Variants in GRIK2 observed in about 807,000 individuals in gnomAD.
The protein encoded by GRIK2 is glutamate receptor ionotropic, kainate 2.
In GRIK2, 32 loss-of-function variants were observed where a neutral mutation model predicts 100.3. The ratio of observed to expected loss-of-function variants is 0.32; its 90% confidence interval spans 0.24 to 0.43. The LOEUF is 0.43. Ranked by LOEUF, GRIK2 falls within the 20% of genes least tolerant of loss-of-function variation. GRIK2 has a pLI of 1.00. For synonymous variants in GRIK2, 417 were observed against 389.4 expected, an observed-to-expected ratio of 1.07 and a Z score of -0.83; for missense variants, 843 against 1,114.9, an observed-to-expected ratio of 0.76 and a Z score of 3.47.
chr6:101,537,487 T>C (rs1050172551), intron 2 of GRIK2, among the ~76,000 whole-genome samples: 1 of 150,436 alleles, frequency 6.6e-6, no homozygotes, highest in African/African-American at 2.4e-5. Flanking sequence ...TTTAAGCAAA[T>C]CAGGGAGATT....
intron 2 of GRIK2, among the ~76,000 whole-genome samples, chr6:101,548,927 A>G (rs971033191): frequency 1.3e-5 from 2 of 152,154 alleles, no homozygotes; most frequent in African/African-American, 4.8e-5. Context: ...TATAGTTTGA[A>G]CATCTCCTTA....
chr6:101,600,137 A>C (rs1779135078), intron 2 of GRIK2, among the ~76,000 whole-genome samples: 1 of 151,896 alleles, frequency 6.6e-6, no homozygotes, highest in East Asian at 1.9e-4. Flanking sequence ...CTATCCCAAC[A>C]CAACTTATTG....
intron 10 of GRIK2, among the ~76,000 whole-genome samples, chr6:101,827,546 G>T (rs1194326712): frequency 6.6e-6 from 1 of 151,650 alleles, no homozygotes; most frequent in African/African-American, 2.4e-5. Flanking sequence ...CACATGTAAT[G>T]ACACCCATAG....
intron 10 of GRIK2, among the ~76,000 whole-genome samples, chr6:101,839,692 T>C (rs9322611): frequency 0.29 from 43,851 of 151,856 alleles, 9,207 homozygotes; most frequent in East Asian, 0.68. Flanking sequence ...ATCTGAATTA[T>C]GGAAGACTCT....
intron 2 of GRIK2, among the ~76,000 whole-genome samples, chr6:101,497,188 C>G (rs918749566): frequency 5.9e-5 from 9 of 151,918 alleles, no homozygotes; most frequent in Admixed American, 3.9e-4. Flanking sequence ...TTTTTCTCCT[C>G]CCACCTTTCA....
rs556029410 is a variant in GRIK2 at position 101,792,676 on chromosome 6, A to G, written c.952-6972A>G. ...CATTTCAACTTTGGTAAATCTGACA[A>G]TTATGTGTCTTGGAGTTGCTCTTCT... On this transcript the variant is annotated intron_variant, in intron 7 of 16. Coordinates refer to ENST00000369134, the MANE Select transcript of GRIK2 (RefSeq NM_021956.5). Among the ~76,000 whole-genome samples, 193 of 152,054 alleles carry G rather than the reference A, an allele frequency of 1.3e-3. 1 individual carries two copies. The highest frequency in any genetic ancestry group is 4.6e-3 in the African/African-American group (190 of 41,448).
intron 7 of GRIK2, among the ~76,000 whole-genome samples, chr6:101,766,463 A>G (rs949121706): frequency 2.2e-4 from 33 of 152,178 alleles, no homozygotes; most frequent in African/African-American, 7.7e-4. Flanking sequence ...TTGAAGTTCT[A>G]TAGTATTCAA....
chr6:101,813,807 A>G (rs1781476913), intron 9 of GRIK2, among the ~76,000 whole-genome samples: 1 of 151,970 alleles, frequency 6.6e-6, no homozygotes. Flanking sequence ...TTCTAAAAAT[A>G]TAAAAATTAG....
At chr6:101,753,143 G>A (rs1035937582) in intron 7 of GRIK2, among the ~76,000 whole-genome samples, 39 of 151,926 alleles carry the variant, frequency 2.6e-4, no homozygotes, top group African/African-American at 8.9e-4. Context: ...TTAGCCTGGC[G>A]TGGTGGCGGG....
At chr6:101,854,044 A>G (rs994925389) in intron 10 of GRIK2, among the ~76,000 whole-genome samples, 1 of 152,150 alleles carries the variant, frequency 6.6e-6, no homozygotes, top group Non-Finnish European at 1.5e-5. Flanking sequence ...CATAAAATAG[A>G]CAACACCAAG....
intron 3 of GRIK2, among the ~76,000 whole-genome samples, chr6:101,623,652 G>A (rs557360591): frequency 6.6e-6 from 1 of 152,074 alleles, no homozygotes; most frequent in Middle Eastern, 3.2e-3. Flanking sequence ...TCCTGGGAAT[G>A]CCCTAGCAAA....
intron 4 of GRIK2, among the ~76,000 whole-genome samples, chr6:101,643,012 A>G (rs975690980): frequency 6.6e-6 from 1 of 151,608 alleles, no homozygotes; most frequent in Non-Finnish European, 1.5e-5. Context: ...CTTATTGATC[A>G]TTTGAATATT....
At chr6:101,703,701 T>C (rs1293340760) in intron 7 of GRIK2, among the ~76,000 whole-genome samples, 1 of 151,644 alleles carries the variant, frequency 6.6e-6, no homozygotes, top group East Asian at 1.9e-4. Context: ...TATATAGGTA[T>C]AAATATTCCA....
chr6:101,796,753 C>A (rs986917791), intron 7 of GRIK2, among the ~76,000 whole-genome samples: 1 of 152,040 alleles, frequency 6.6e-6, no homozygotes, highest in African/African-American at 2.4e-5. Context: ...ACCATTTTGC[C>A]CAGACTGGGC....
intron 7 of GRIK2, among the ~76,000 whole-genome samples, chr6:101,708,505 TA>T (rs1268885261): frequency 6.6e-6 from 1 of 151,686 alleles, no homozygotes; most frequent in Non-Finnish European, 1.5e-5. Flanking sequence ...CATACATTTT[TA>T]CATAAATTTA....
chr6:101,616,482 T>C (rs980701492), intron 2 of GRIK2, among the ~76,000 whole-genome samples: 10 of 151,784 alleles, frequency 6.6e-5, no homozygotes, highest in African/African-American at 2.2e-4. Context: ...ATACCTTCTA[T>C]AGAATAATTT....
chr6:101,405,134 C>G (rs1161208067), intron 2 of GRIK2, among the ~76,000 whole-genome samples: 1 of 152,074 alleles, frequency 6.6e-6, no homozygotes, highest in African/African-American at 2.4e-5. Context: ...ACGCCCTTAA[C>G]AAGTTTAATT....
intron 2 of GRIK2, among the ~76,000 whole-genome samples, chr6:101,587,936 A>T (rs1294005927): frequency 1.3e-5 from 2 of 152,126 alleles, no homozygotes; most frequent in Non-Finnish European, 2.9e-5. Flanking sequence ...GGGTGAACAA[A>T]GAATTGCTAA....
intron 2 of GRIK2, among the ~76,000 whole-genome samples, chr6:101,470,579 ACT>A (rs1280750569): frequency 1.3e-5 from 2 of 149,856 alleles, no homozygotes; most frequent in Non-Finnish European, 3.0e-5. Context: ...GATTCTGAAA[ACT>A]CTCTCTCTTC....
Sources: gnomAD v4.1 joint callset for allele counts (sites outside exome capture counted in the v4.1 genomes callset) on GRCh38, gnomAD v4.1.1 for gene constraint, MANE v1.5 for transcripts, NCBI Gene and HGNC (gene_info 2026-07-23, HGNC 2026-07-21) for gene names.